Variants in DACH1 observed in about 807,000 individuals in gnomAD.
DACH1 encodes dachshund homolog 1.
Under a neutral mutation model 54.2 loss-of-function variants are expected in DACH1, and 12 were observed. The ratio of observed to expected loss-of-function variants is 0.22; its 90% CI spans 0.14 to 0.36. DACH1 has a LOEUF of 0.36. Among genes scored for constraint, DACH1 ranks in the 10% least tolerant of loss-of-function variants. The pLI, the probability that DACH1 is intolerant of heterozygous loss-of-function variation, is 1.00. For synonymous variants in DACH1, 386 were observed against 366.2 expected, an observed-to-expected ratio of 1.05 and a Z score of -0.62; for missense variants, 805 against 929.8, an observed-to-expected ratio of 0.87 and a Z score of 1.75.
intron 10 of DACH1, among the ~76,000 whole-genome samples, chr13:71,453,196 CTT>C (rs1471869645): frequency 6.6e-6 from 1 of 152,078 alleles, no homozygotes; most frequent in Admixed American, 6.5e-5. Context: ...AAAGAAATCT[CTT>C]ATTACTTTCT....
chr13:71,583,975 T>C (rs1282961537), intron 3 of DACH1, among the ~76,000 whole-genome samples: 1 of 152,180 alleles, frequency 6.6e-6, no homozygotes, highest in Non-Finnish European at 1.5e-5. Flanking sequence ...TCTTAAATAA[T>C]TTTAATATTT....
At chr13:71,829,346 TA>T (rs1224612247) in intron 1 of DACH1, among the ~76,000 whole-genome samples, 1 of 151,932 alleles carries the variant, frequency 6.6e-6, no homozygotes, top group East Asian at 1.9e-4. Flanking sequence ...AAAAATAGAA[TA>T]GAATGACTTT....
chr13:71,661,967 C>G (rs1879522330), intron 2 of DACH1, among the ~76,000 whole-genome samples: 1 of 152,062 alleles, frequency 6.6e-6, no homozygotes, highest in African/African-American at 2.4e-5. Flanking sequence ...CCCCATTCTT[C>G]TCTAAATATT....
chr13:71,521,143 A>C (rs1216264501), intron 6 of DACH1, among the ~76,000 whole-genome samples: 2 of 152,000 alleles, frequency 1.3e-5, no homozygotes, highest in African/African-American at 4.8e-5. Context: ...TATTATCTTC[A>C]TTTGTAAAAT....
intron 6 of DACH1, among the ~76,000 whole-genome samples, chr13:71,507,815 A>G (rs1024495620): frequency 2.0e-5 from 3 of 152,182 alleles, no homozygotes; most frequent in African/African-American, 7.2e-5. Flanking sequence ...ATCTCAACCT[A>G]TTATCAAATT....
At chr13:71,504,123 A>T (rs896011069) in intron 6 of DACH1, among the ~76,000 whole-genome samples, 1 of 152,170 alleles carries the variant, frequency 6.6e-6, no homozygotes, top group African/African-American at 2.4e-5. Flanking sequence ...TAGCACAGAA[A>T]AGAGATGACG....
At position 71,557,647 on chromosome 13, in the gene DACH1, T is replaced by C. The variant is rs76357443; in HGVS notation, c.1436-489A>G. On this transcript the variant is annotated intron_variant, in intron 5 of 10. Transcript: ENST00000613252. ...GTAATATTGCAATAGAGAAACCTAG[T>C]AGTCACCACCTTAAGAAAGTGATAA... Among the ~76,000 whole-genome samples, 125 of 152,134 alleles carry C rather than the reference T, an allele frequency of 8.2e-4. 1 individual carries two copies. In the East Asian group the frequency reaches 0.017, roughly 21 times the overall value.
intron 1 of DACH1, among the ~76,000 whole-genome samples, chr13:71,709,758 C>T (rs1220172557): frequency 6.6e-6 from 1 of 152,128 alleles, no homozygotes; most frequent in Admixed American, 6.5e-5. Context: ...TGGGTACTGT[C>T]CGCCATTTCA....
At chr13:71,671,880 G>A (rs2138677952) in intron 2 of DACH1, among the ~76,000 whole-genome samples, 1 of 152,200 alleles carries the variant, frequency 6.6e-6, no homozygotes, top group South Asian at 2.1e-4. Context: ...GGAAGCCAAT[G>A]TAGACTTCTC....
rs34031888 is a variant in DACH1, at chr13:71,817,814, C to CTTTT, written c.848+48104_848+48107dup. Reference sequence around the variant, plus strand: ...ATTTTCTTTCTTTCTTTCTTTCTTCCTTTTTTTTTTTTTTTTTTGAGACAG... The same window carrying CTTTT: ...ATTTTCTTTCTTTCTTTCTTTCTTCCTTTTTTTTTTTTTTTTTTTTTTGAGACAG... On this transcript the variant is annotated intron_variant, in intron 1 of 10. Coordinates refer to ENST00000613252, the MANE Select transcript of DACH1 (RefSeq NM_080759.6). Among the ~76,000 whole-genome samples, 697 of 119,050 alleles carry CTTTT rather than the reference C, an allele frequency of 5.9e-3. 22 individuals are homozygous for CTTTT. Among genetic ancestry groups the CTTTT allele is most frequent in the African/African-American group, 0.021 (657 of 30,922 alleles). 78.1% of individuals were successfully genotyped at this position (119,050 alleles called of 152,430 possible). A position where few individuals can be genotyped will look rare whatever the true frequency, so the allele number is the denominator to read the frequency against.
At chr13:71,584,133 G>A (rs1873060395) in intron 3 of DACH1, among the ~76,000 whole-genome samples, 1 of 152,090 alleles carries the variant, frequency 6.6e-6, no homozygotes, top group Admixed American at 6.6e-5. Flanking sequence ...GAGGTCGCCT[G>A]GGTAAATGCA....
At chr13:71,792,808 T>G (rs1168498064) in intron 1 of DACH1, among the ~76,000 whole-genome samples, 1 of 152,084 alleles carries the variant, frequency 6.6e-6, no homozygotes, top group Non-Finnish European at 1.5e-5. Flanking sequence ...CCACATTCAG[T>G]TGGGAGGAAA....
At chr13:71,713,072 T>C (rs939829703) in intron 1 of DACH1, among the ~76,000 whole-genome samples, 1 of 150,518 alleles carries the variant, frequency 6.6e-6, no homozygotes, top group African/African-American at 2.5e-5. Flanking sequence ...AAGCCCAAGA[T>C]TTCTTCTTTT....
At chr13:71,734,986 TA>T (rs1305211444) in intron 1 of DACH1, among the ~76,000 whole-genome samples, 19 of 149,336 alleles carry the variant, frequency 1.3e-4, no homozygotes, top group African/African-American at 4.4e-4. Flanking sequence ...ACAGGATATA[TA>T]TATATATACA....
At chr13:71,829,260 T>C (rs1396440379) in intron 1 of DACH1, among the ~76,000 whole-genome samples, 1 of 151,928 alleles carries the variant, frequency 6.6e-6, no homozygotes, top group African/African-American at 2.4e-5. Flanking sequence ...TGTGTGTGTG[T>C]TTAAATGTAA....
rs576953490 is a variant in DACH1, at chr13:71,765,868, ATTC to A, written c.849-83961_849-83959del. Among the ~76,000 whole-genome samples the A allele has an allele frequency of 4.4e-3, 660 of 148,556 alleles. 1 individual carries two copies. The highest frequency in any genetic ancestry group is 0.011 in the African/African-American group (452 of 40,466). ...TCTAATGCTGTTGCTCAAAAGGATT[ATTC>A]TTCTTCTTCTTCATTTTTTTTTTTT... On this transcript the variant is annotated intron_variant, in intron 1 of 10. Transcript: ENST00000613252.
chr13:71,486,812 T>TTATCTATCTATC (rs4053561), intron 7 of DACH1, among the ~76,000 whole-genome samples: 23 of 41,810 alleles, frequency 5.5e-4, no homozygotes, highest in African/African-American at 1.0e-3. Context: ...ATTTATTTAT[T>TTATCTATCTATC]TATCTATCTA....
At chr13:71,562,205 C>G (rs754936643) in intron 4 of DACH1, among the ~76,000 whole-genome samples, 84 of 152,152 alleles carry the variant, frequency 5.5e-4, no homozygotes, top group Admixed American at 7.9e-4. Context: ...AAAGCATTAG[C>G]CCTTTACCTT....
chr13:71,459,694 T>G (rs763003211), intron 10 of DACH1, among the ~76,000 whole-genome samples: 1 of 151,902 alleles, frequency 6.6e-6, no homozygotes, highest in African/African-American at 2.4e-5. Context: ...ATTTTTCACA[T>G]TGCTAACTCA....
Sources: allele counts gnomAD v4.1 joint callset (sites outside exome capture counted in the v4.1 genomes callset), GRCh38; gene constraint gnomAD v4.1.1; transcripts MANE v1.5; gene names NCBI Gene and HGNC (gene_info 2026-07-23, HGNC 2026-07-21).